Variants in UGT1A4 observed in about 807,000 individuals in gnomAD.
UGT1A4 encodes the protein UDP glucuronosyltransferase family 1 member A4, also known as UDP-glucuronosyltransferase 1A4.
Under a neutral mutation model 41.1 loss-of-function variants are expected in UGT1A4, and 32 were observed. The observed-to-expected ratio is 0.78, with a 90% confidence interval of 0.59 to 1.05. The LOEUF (loss-of-function observed/expected upper bound fraction) is 1.05, where lower values mean the gene tolerates loss of function less well. Ranked by LOEUF, UGT1A4 falls within the 50% of genes least tolerant of loss-of-function variation. The pLI is 0.00. For synonymous variants in UGT1A4, 283 were observed against 265.1 expected, an observed-to-expected ratio of 1.07 and a Z score of -0.66; for missense variants, 748 against 677.4, an observed-to-expected ratio of 1.10 and a Z score of -1.16.
intron 1 of UGT1A4, among the ~76,000 whole-genome samples, chr2:233,720,381 T>C (rs930663002): frequency 6.6e-6 from 1 of 152,042 alleles, no homozygotes; most frequent in Non-Finnish European, 1.5e-5. Flanking sequence ...CTACTTGGAA[T>C]GCTGAAATTA....
At chr2:233,746,265 C>T (rs187514797) in intron 1 of UGT1A4, among the ~76,000 whole-genome samples, 21 of 151,710 alleles carry the variant, frequency 1.4e-4, no homozygotes, top group Admixed American at 8.5e-4. Context: ...CAGAACAAAA[C>T]GCTGTGGGGA....
At chr2:233,739,740 T>C (rs541880710) in intron 1 of UGT1A4, among the ~76,000 whole-genome samples, 25 of 152,316 alleles carry the variant, frequency 1.6e-4, no homozygotes, top group Non-Finnish European at 3.2e-4. Context: ...AGATGAGACC[T>C]TGGACTATGG....
Position 233,718,773 on chromosome 2 carries a change from C to A in UGT1A4, c.-48C>A. Reference sequence around the variant, plus strand: ...ATTAAGGCGAAGGAAACAAATGTAGCAGGCACAGCGTGGGGTGGACAGTCA... The same window carrying A: ...ATTAAGGCGAAGGAAACAAATGTAGAAGGCACAGCGTGGGGTGGACAGTCA... On this transcript the variant is annotated 5_prime_UTR_variant, in exon 1 of 5. Transcript: ENST00000373409. The A allele has an allele frequency of 6.2e-7, 1 of 1,612,848 alleles. No individual in the cohort carries two copies.
At chr2:233,767,764 C>A (rs1699474752) in intron 2 of UGT1A4, 85 bp from the exon 3 acceptor site, 1 of 1,608,290 alleles carries the variant, frequency 6.2e-7, no homozygotes, top group East Asian at 2.2e-5. Flanking sequence ...TTCAGAGGAC[C>A]CCTGTTTTCT....
intron 4 of UGT1A4, chr2:233,770,154 AAC>A (rs1418683747): frequency 6.6e-6 from 1 of 152,270 alleles, no homozygotes. Context: ...TTTTTAAAAA[AAC>A]ACAAATCAAT....
chr2:233,726,468 A>G (rs2077534050), intron 1 of UGT1A4, among the ~76,000 whole-genome samples: 1 of 152,184 alleles, frequency 6.6e-6, no homozygotes, highest in Non-Finnish European at 1.5e-5. Flanking sequence ...TCATTTCTTT[A>G]ACAGAAATTT....
chr2:233,770,111 G>A (rs1335443900), intron 4 of UGT1A4: 1 of 152,202 alleles, frequency 6.6e-6, no homozygotes, highest in Non-Finnish European at 1.5e-5. Flanking sequence ...TGTAACCTAA[G>A]AACAACTTGG....
At chr2:233,736,066 G>C (rs879273661) in intron 1 of UGT1A4, among the ~76,000 whole-genome samples, 5 of 152,156 alleles carry the variant, frequency 3.3e-5, no homozygotes, top group Non-Finnish European at 7.3e-5. Flanking sequence ...TGCCTTGCTA[G>C]GTTTGGGAAG....
intron 1 of UGT1A4, among the ~76,000 whole-genome samples, chr2:233,731,282 T>C (rs1433914166): frequency 1.4e-5 from 2 of 144,984 alleles, no homozygotes; most frequent in African/African-American, 2.6e-5. Context: ...CAGTTTTTCT[T>C]TCTTTTTTTT....
chr2:233,721,867 A>G (rs1329615455), intron 1 of UGT1A4: 1 of 503,090 alleles, frequency 2.0e-6, no homozygotes, highest in African/African-American at 1.9e-5. Context: ...GGCCCTGGGC[A>G]CACTTGCCAG....
intron 1 of UGT1A4, among the ~76,000 whole-genome samples, chr2:233,758,201 G>A (rs1696819770): frequency 6.6e-6 from 1 of 152,182 alleles, no homozygotes; most frequent in African/African-American, 2.4e-5. Flanking sequence ...GCTTAGTAGT[G>A]GTTCTCTGTT....
chr2:233,729,180 T>C (rs373402763), intron 1 of UGT1A4: 150 of 1,613,780 alleles, frequency 9.3e-5, no homozygotes, highest in Middle Eastern at 1.7e-4. Flanking sequence ...GACTGCTGCT[T>C]CTCCTCAGTG....
In UGT1A4 at chr2:233,760,246, A is replaced by ATG. The variant is rs772016461; in HGVS notation, c.868-6787_868-6786insGT. 1.6e-5 allele frequency: 25 copies of ATG among 1,608,940 alleles called. No homozygotes were observed. The South Asian group carries it at 2.6e-4, about 17-fold the overall frequency. ...ATTGGTTTTTGCCATATATATATAT[A>ATG]TAAGTAGGAGAGGGCGAACCTCTGG... On this transcript the variant is annotated intron_variant, in intron 1 of 4. Coordinates refer to ENST00000373409, the MANE Select transcript of UGT1A4 (RefSeq NM_007120.3).
In UGT1A4 at chr2:233,753,335, C is replaced by T. The variant is rs1327117570; in HGVS notation, c.868-13699C>T. 3.9e-5 allele frequency: 6 copies of T among 151,986 alleles called. No homozygotes were observed. The East Asian group carries it at 9.6e-4, about 24-fold the overall frequency. 9.4% of individuals were successfully genotyped at this position (151,986 alleles called of 1,614,324 possible). A position where few individuals can be genotyped will look rare whatever the true frequency, so the allele number is the denominator to read the frequency against. ...CTGTGGGATGGTGCCAGCTGACTGC[C>T]ATTTTCCTGCTGTTTATTACTTGGG... On this transcript the variant is annotated intron_variant, in intron 1 of 4. Coordinates refer to ENST00000373409, the MANE Select transcript of UGT1A4 (RefSeq NM_007120.3).
Position 233,743,773 on chromosome 2 carries a change from C to G in UGT1A4, c.868-23261C>G, listed in dbSNP as rs367921172. 3 of 1,367,248 alleles carry G rather than the reference C, an allele frequency of 2.2e-6. No homozygotes were observed. In the East Asian group the frequency reaches 1.4e-4, roughly 62 times the overall value. The allele number at this position is 1,367,248 out of a possible 1,614,324, so 84.7% of individuals were successfully genotyped here. A position where few individuals can be genotyped will look rare whatever the true frequency, so the allele number is the denominator to read the frequency against. On this transcript the variant is annotated intron_variant, in intron 1 of 4. Coordinates refer to ENST00000373409, the MANE Select transcript of UGT1A4 (RefSeq NM_007120.3). ...ACAACACCTCGTAGGCCTCGGCCACCTGCTTGAATCTCCTCTCCGCTTCCT... is the reference window on the plus strand; with the variant it reads ...ACAACACCTCGTAGGCCTCGGCCACGTGCTTGAATCTCCTCTCCGCTTCCT...
At chr2:233,743,757 C>G (rs774172513) in intron 1 of UGT1A4, 2 of 1,367,374 alleles carry the variant, frequency 1.5e-6, no homozygotes, top group South Asian at 1.1e-5. Context: ...GACAACACCT[C>G]GTAGGCCTCG....
chr2:233,735,338 T>G (rs1239211349), intron 1 of UGT1A4, among the ~76,000 whole-genome samples: 2 of 151,114 alleles, frequency 1.3e-5, no homozygotes, highest in Non-Finnish European at 3.0e-5. Context: ...CAACCCCTGC[T>G]TTTTTTTTGC....
At chr2:233,720,108 G>A (rs372349841) in intron 1 of UGT1A4, among the ~76,000 whole-genome samples, 4 of 152,142 alleles carry the variant, frequency 2.6e-5, no homozygotes, top group South Asian at 4.2e-4. Flanking sequence ...CCCATCTTGC[G>A]AAAGATACAG....
chr2:233,769,644 G>T lies in UGT1A4; in HGVS notation c.1307+1205G>T. The T allele has an allele frequency of 1.2e-6, 2 of 1,608,952 alleles. No homozygotes were observed. Among genetic ancestry groups the T allele is most frequent in the South Asian group, 2.2e-5 (2 of 90,446 alleles). On this transcript the variant is annotated intron_variant, in intron 4 of 4. Transcript: ENST00000373409. This position sits in a 1 kb window ranked among gnomAD's most constrained non-coding sequence, Gnocchi z 4.4. The stretch of plus-strand genomic sequence containing the variant: ...CAAGGGACAACAGGGGAGGACTGAT[G>T]ACTGACTTCCCACCTTTGAGGTGCT...
Sources: allele counts gnomAD v4.1 joint callset (sites outside exome capture counted in the v4.1 genomes callset), GRCh38; gene constraint gnomAD v4.1.1; non-coding constraint Gnocchi (gnomAD v3.1); transcripts MANE v1.5; gene names NCBI Gene and HGNC (gene_info 2026-07-23, HGNC 2026-07-21).